The following EIPR1 variants were observed in gnomAD, a reference collection of about 807,000 sequenced individuals.
EIPR1 encodes the protein EARP complex and GARP complex interacting protein 1, also known as EARP and GARP complex-interacting protein 1.
A neutral mutation model predicts 48.1 loss-of-function variants in EIPR1; 25 were observed. The ratio of observed to expected loss-of-function variants is 0.52; its 90% CI spans 0.38 to 0.73. The LOEUF is 0.73. EIPR1 is among the 30% of genes least tolerant of loss of function. The pLI, the probability that EIPR1 is intolerant of heterozygous loss-of-function variation, is 0.00. For missense variants in EIPR1, 415 were observed against 506.2 expected, an observed-to-expected ratio of 0.82 and a Z score of 1.73; for synonymous variants, 204 against 201.9, an observed-to-expected ratio of 1.01 and a Z score of -0.09.
chr2:3,294,523 A>G (rs752173386), intron 3 of EIPR1, among the ~76,000 whole-genome samples: 2 of 137,012 alleles, frequency 1.5e-5, no homozygotes, highest in Non-Finnish European at 3.1e-5. Flanking sequence ...TCCTCTCTGC[A>G]CACACCCTCC....
At position 3,372,809 on chromosome 2, in the gene EIPR1, G is replaced by C. The variant is rs1659715807; in HGVS notation, c.42+4839C>G. Among the ~76,000 whole-genome samples the C allele has an allele frequency of 3.3e-5, 5 of 152,250 alleles. No individual in the cohort carries two copies. The South Asian group carries it at 1.0e-3, about 32-fold the overall frequency. On this transcript the variant is annotated intron_variant, in intron 1 of 8. Transcript: ENST00000382125. ...CGAATTCTACCAGAGGTATAAGGAG[G>C]AACTGGTACCATTCCTTCTGAAACT...
intron 1 of EIPR1, among the ~76,000 whole-genome samples, chr2:3,371,043 G>GCAAGC (rs1461966439): frequency 6.6e-6 from 1 of 152,210 alleles, no homozygotes; most frequent in Non-Finnish European, 1.5e-5. Context: ...GGATCTCTCG[G>GCAAGC]CAGAAACTCT....
chr2:3,198,604 A>T (rs988717499), intron 5 of EIPR1, among the ~76,000 whole-genome samples: 1 of 152,226 alleles, frequency 6.6e-6, no homozygotes, highest in Non-Finnish European at 1.5e-5. Flanking sequence ...GGTCTGAGAA[A>T]TAAAGGGAAA....
chr2:3,319,290 A>G (rs35126014), intron 3 of EIPR1: 17,304 of 263,700 alleles, frequency 0.066, 620 homozygotes, highest in African/African-American at 0.079. Context: ...GTGTGCTCCT[A>G]ATTAGCGCTG....
chr2:3,360,299 G>T (rs1247606133), intron 1 of EIPR1, among the ~76,000 whole-genome samples: 2 of 151,950 alleles, frequency 1.3e-5, no homozygotes, highest in Non-Finnish European at 2.9e-5. Flanking sequence ...AGCTACTCAA[G>T]AGGCTAAGGC....
chr2:3,234,405 G>C (rs1666333636), intron 4 of EIPR1, among the ~76,000 whole-genome samples: 1 of 152,190 alleles, frequency 6.6e-6, no homozygotes, highest in Non-Finnish European at 1.5e-5. Flanking sequence ...GTCCCCAAGA[G>C]CAGGCAGGAG....
chr2:3,324,787 G>T (rs936716350), intron 3 of EIPR1, among the ~76,000 whole-genome samples: 2 of 152,230 alleles, frequency 1.3e-5, no homozygotes, highest in Non-Finnish European at 2.9e-5. Context: ...GAGTGCAGGC[G>T]GCCTGCGCGC....
chr2:3,283,218 C>T (rs991455251), intron 3 of EIPR1, among the ~76,000 whole-genome samples: 1 of 152,164 alleles, frequency 6.6e-6, no homozygotes, highest in Non-Finnish European at 1.5e-5. Flanking sequence ...GGGGCAGGGA[C>T]ATCCTAAGAG....
chr2:3,219,666 TCA>T (rs66865570), intron 4 of EIPR1, among the ~76,000 whole-genome samples: 80,354 of 146,942 alleles, frequency 0.55, 21,851 homozygotes, highest in East Asian at 0.72. Flanking sequence ...TCTAGAGCAT[TCA>T]CAGTGACTCA....
intron 1 of EIPR1, among the ~76,000 whole-genome samples, chr2:3,369,328 G>A (rs571481067): frequency 1.3e-5 from 2 of 152,224 alleles, no homozygotes; most frequent in African/African-American, 4.8e-5. Context: ...GGTGATTTCT[G>A]CATTTCCATA....
At chr2:3,275,705 A>G (rs561046537) in intron 3 of EIPR1, among the ~76,000 whole-genome samples, 12 of 152,334 alleles carry the variant, frequency 7.9e-5, no homozygotes, top group Admixed American at 2.6e-4. Flanking sequence ...ATAAAAGATT[A>G]GGAAAAAGTT....
At chr2:3,296,022 C>T (rs1374697775) in intron 3 of EIPR1, among the ~76,000 whole-genome samples, 1 of 122,702 alleles carries the variant, frequency 8.1e-6, no homozygotes, top group African/African-American at 3.1e-5. Context: ...ACCCTCCATC[C>T]AGCCCATCCT....
intron 3 of EIPR1, among the ~76,000 whole-genome samples, chr2:3,306,663 A>G (rs1180683426): frequency 6.6e-6 from 1 of 152,248 alleles, no homozygotes. Context: ...GATCATAAGG[A>G]AGAGAAAATA....
At chr2:3,288,102 G>A (rs375661218) in intron 3 of EIPR1, among the ~76,000 whole-genome samples, 13 of 152,344 alleles carry the variant, frequency 8.5e-5, no homozygotes, top group Middle Eastern at 3.4e-3. Context: ...TCCTGATGCG[G>A]TGGCGTCATG....
intron 1 of EIPR1, among the ~76,000 whole-genome samples, chr2:3,365,904 ATTTC>A (rs1670961080): frequency 6.6e-6 from 1 of 152,032 alleles, no homozygotes; most frequent in Non-Finnish European, 1.5e-5. Flanking sequence ...CAACCATCCG[ATTTC>A]TCAGGTGGGG....
rs756994718 is a variant in EIPR1, at chr2:3,257,504, C to G, written c.260-49G>C. 6.3e-6 allele frequency: 10 copies of G among 1,597,934 alleles called. No individual in the cohort carries two copies. In the African/African-American group the frequency reaches 1.3e-4, roughly 21 times the overall value. ...AATGTCAACAGAGCACGGTGTGCCCCGCATTCTGCAGACAGCACACGCACA... is the reference window on the plus strand; with the variant it reads ...AATGTCAACAGAGCACGGTGTGCCCGGCATTCTGCAGACAGCACACGCACA... On this transcript the variant is annotated intron_variant, in intron 3 of 8. Coordinates refer to ENST00000382125, the MANE Select transcript of EIPR1 (RefSeq NM_003310.5).
At chr2:3,288,424 A>AT (rs1285028910) in intron 3 of EIPR1, among the ~76,000 whole-genome samples, 1 of 152,228 alleles carries the variant, frequency 6.6e-6, no homozygotes, top group East Asian at 1.9e-4. Flanking sequence ...ACAGCTGAAC[A>AT]TGAGTCTCAC....
chr2:3,206,425 A>C (rs896930), intron 5 of EIPR1, among the ~76,000 whole-genome samples: 140,216 of 152,294 alleles, frequency 0.92, 64,774 homozygotes, highest in East Asian at 0.98. Flanking sequence ...GAAGTCTGAG[A>C]TGCACAGAGC....
At chr2:3,272,502 C>T (rs183195443) in intron 3 of EIPR1, among the ~76,000 whole-genome samples, 5 of 152,288 alleles carry the variant, frequency 3.3e-5, no homozygotes, top group East Asian at 3.9e-4. Context: ...ACTTCAATAA[C>T]GTTGTTCTCA....
Sources: gnomAD v4.1 joint callset for allele counts (sites outside exome capture counted in the v4.1 genomes callset) on GRCh38, gnomAD v4.1.1 for gene constraint, MANE v1.5 for transcripts, NCBI Gene and HGNC (gene_info 2026-07-23, HGNC 2026-07-21) for gene names.